The following ARL15 variants were observed in gnomAD, a reference collection of about 807,000 sequenced individuals.
The protein encoded by ARL15 is ADP-ribosylation factor-like protein 15.
A neutral mutation model predicts 25.2 loss-of-function variants in ARL15; 19 were observed. The ratio of observed to expected loss-of-function variants is 0.75; its 90% CI spans 0.53 to 1.10. ARL15 has a LOEUF of 1.10. ARL15 is among the 50% of genes least tolerant of loss of function. The pLI is 0.00. For missense variants in ARL15, 220 were observed against 246.0 expected (o/e 0.89, Z 0.71); for synonymous variants, 94 against 86.8 (o/e 1.08, Z -0.46).
chr5:54,168,029 T>G (rs187969015), intron 2 of ARL15, among the ~76,000 whole-genome samples: 1 of 152,382 alleles, frequency 6.6e-6, no homozygotes, highest in Admixed American at 6.5e-5. Flanking sequence ...TATATAGAAC[T>G]GTCTGACCTA....
chr5:54,024,433 T>A (rs1026775698), intron 4 of ARL15, among the ~76,000 whole-genome samples: 4 of 152,232 alleles, frequency 2.6e-5, no homozygotes, highest in Non-Finnish European at 4.4e-5. Context: ...GATTTATCCA[T>A]ACTTTTTAAT....
intron 4 of ARL15, among the ~76,000 whole-genome samples, chr5:53,910,633 T>TTTTATA (rs1745420735): frequency 3.6e-5 from 2 of 55,018 alleles, no homozygotes; most frequent in African/African-American, 7.4e-5. Flanking sequence ...TAAAAAAAAA[T>TTTTATA]TATATATATA....
At position 54,171,907 on chromosome 5, in the gene ARL15, T is replaced by C. The variant is rs1244619449; in HGVS notation, c.70A>G (p.Lys24Glu). 9.3e-6 allele frequency: 15 copies of C among 1,613,112 alleles called. No individual in the cohort carries two copies. Among genetic ancestry groups the C allele is most frequent in the Non-Finnish European group, 1.3e-5 (15 of 1,179,266 alleles). Residue 24 changes from lysine to glutamate, a missense_variant, in exon 2 of 5, where the codon AAG becomes GAG. By Grantham distance (56) the Lys-to-Glu change is moderately conservative (BLOSUM62 1). Transcript: ENST00000504924. Reference protein sequence around the residue: ...DYLCFRALCCKGPPPARPEYD... With the variant: ...DYLCFRALCCEGPPPARPEYD... ...TCTGGTCGTGCAGGTGGTGGTCCCT[T>C]GCAGCAAAGTGCTCTAAAACACTGC... is the stretch of plus-strand genomic sequence containing the variant.
intron 4 of ARL15, among the ~76,000 whole-genome samples, chr5:54,032,724 G>A (rs1750031549): frequency 6.6e-6 from 1 of 152,128 alleles, no homozygotes; most frequent in African/African-American, 2.4e-5. Flanking sequence ...TAAGGATAGG[G>A]ATGTTTGGTA....
chr5:53,919,533 A>G (rs1292089267), intron 4 of ARL15, among the ~76,000 whole-genome samples: 17 of 152,194 alleles, frequency 1.1e-4, no homozygotes, highest in Admixed American at 1.1e-3. Context: ...AAGTGAGAAG[A>G]AAGTGATTGA....
intron 1 of ARL15, among the ~76,000 whole-genome samples, chr5:54,244,817 G>A (rs1757047556): frequency 6.6e-6 from 1 of 151,652 alleles, no homozygotes; most frequent in African/African-American, 2.4e-5. Context: ...AAAAACATCA[G>A]AAGGTTAATC....
rs1384401239 is a variant in ARL15, at chr5:54,205,400, G to A, written c.49-33472C>T. Among the ~76,000 whole-genome samples the A allele has an allele frequency of 2.6e-5, 4 of 152,018 alleles. No individual in the cohort carries two copies. In the South Asian group the frequency reaches 6.2e-4, roughly 24 times the overall value. On this transcript the variant is annotated intron_variant, in intron 1 of 4. Transcript: ENST00000504924. Reference sequence around the variant, plus strand: ...ACCACTGCATTGCACTGCCTGTTAGGGAAAACCCATCAGGGAATAAAAAGG... The same window carrying A: ...ACCACTGCATTGCACTGCCTGTTAGAGAAAACCCATCAGGGAATAAAAAGG...
chr5:54,052,683 T>C (rs988383386), intron 4 of ARL15, among the ~76,000 whole-genome samples: 2 of 152,130 alleles, frequency 1.3e-5, no homozygotes, highest in African/African-American at 4.8e-5. Context: ...ATATTTAGTT[T>C]AATATACAGA....
chr5:53,885,426 A>G lies in ARL15; in HGVS notation c.*1135T>C, dbSNP rs1273694392. On this transcript the variant is annotated 3_prime_UTR_variant, in exon 5 of 5. Coordinates refer to ENST00000504924, the MANE Select transcript of ARL15 (RefSeq NM_019087.3). ...AAAAAAAACTAGTTCCAAAGACTGA[A>G]TATGAGTCCCAATATTATTTATTTG... 1.3e-5 allele frequency: 2 copies of G among 152,624 alleles called. No homozygotes were observed. Among genetic ancestry groups the G allele is most frequent in the Non-Finnish European group, 2.9e-5 (2 of 68,028 alleles). The allele number at this position is 152,624 out of a possible 1,614,324, so 9.5% of individuals were successfully genotyped here. A position where few individuals can be genotyped will look rare whatever the true frequency, so the allele number is the denominator to read the frequency against.
chr5:54,307,718 A>G (rs572261559), intron 1 of ARL15, among the ~76,000 whole-genome samples: 1 of 152,278 alleles, frequency 6.6e-6, no homozygotes, highest in Admixed American at 6.5e-5. Flanking sequence ...CCTCCAAATA[A>G]AAAGGTTAAG....
chr5:54,305,629 A>G (rs1758736802), intron 1 of ARL15, among the ~76,000 whole-genome samples: 1 of 152,224 alleles, frequency 6.6e-6, no homozygotes, highest in African/African-American at 2.4e-5. Flanking sequence ...TCCTATACAC[A>G]CACACCTATG....
intron 4 of ARL15, among the ~76,000 whole-genome samples, chr5:53,992,048 A>C (rs1748520501): frequency 1.3e-5 from 2 of 152,200 alleles, no homozygotes; most frequent in South Asian, 4.1e-4. Flanking sequence ...TTCATTTCCC[A>C]TACCAAATTG....
At chr5:53,991,561 A>AGGGGGG (rs150250231) in intron 4 of ARL15, among the ~76,000 whole-genome samples, 1 of 92,070 alleles carries the variant, frequency 1.1e-5, no homozygotes, top group African/African-American at 3.8e-5. Flanking sequence ...AAAAAAAAAA[A>AGGGGGG]GGGGGGGCGG....
At chr5:54,166,684 T>C (rs1249565693) in intron 2 of ARL15, among the ~76,000 whole-genome samples, 1 of 152,206 alleles carries the variant, frequency 6.6e-6, no homozygotes, top group Admixed American at 6.5e-5. Flanking sequence ...GCTCGCTGGA[T>C]GCTCTTTGCA....
At chr5:54,138,445 G>C (rs1274205357) in intron 3 of ARL15, among the ~76,000 whole-genome samples, 1 of 152,118 alleles carries the variant, frequency 6.6e-6, no homozygotes, top group East Asian at 1.9e-4. Context: ...TTAATAAACG[G>C]TGCTGGAAAA....
intron 1 of ARL15, among the ~76,000 whole-genome samples, chr5:54,238,224 G>A (rs1454146007): frequency 6.6e-6 from 1 of 152,114 alleles, no homozygotes; most frequent in African/African-American, 2.4e-5. Flanking sequence ...TCATGCCAAA[G>A]TCACTCAATT....
chr5:54,059,252 G>A lies in ARL15; in HGVS notation c.462+53950C>T, dbSNP rs1354431985. Among the ~76,000 whole-genome samples the A allele has an allele frequency of 3.9e-5, 6 of 152,180 alleles. No homozygotes were observed. In the East Asian group the frequency reaches 1.2e-3, roughly 29 times the overall value. The stretch of plus-strand genomic sequence containing the variant: ...TGGCTACTTCCTAAGAAATGACAGT[G>A]GAGCAGGCTTAAAAGGCTCATCAGT... On this transcript the variant is annotated intron_variant, in intron 4 of 4. Transcript: ENST00000504924.
At chr5:54,012,339 T>C (rs1167043814) in intron 4 of ARL15, among the ~76,000 whole-genome samples, 1 of 152,152 alleles carries the variant, frequency 6.6e-6, no homozygotes, top group Non-Finnish European at 1.5e-5. Flanking sequence ...ATGGGTTCCA[T>C]GCTTGTATGC....
chr5:53,946,069 T>A (rs1252836638), intron 4 of ARL15, among the ~76,000 whole-genome samples: 1 of 152,222 alleles, frequency 6.6e-6, no homozygotes, highest in Non-Finnish European at 1.5e-5. Flanking sequence ...CATGTATGAA[T>A]GAGGGATCAT....
Sources: allele counts gnomAD v4.1 joint callset (sites outside exome capture counted in the v4.1 genomes callset), GRCh38; gene constraint gnomAD v4.1.1; transcripts MANE v1.5; gene names NCBI Gene and HGNC (gene_info 2026-07-23, HGNC 2026-07-21).